The following ATRNL1 variants were observed in gnomAD, a reference collection of about 807,000 sequenced individuals.
ATRNL1 encodes attractin-like protein 1.
A neutral mutation model predicts 182.7 loss-of-function variants in ATRNL1; 95 were observed. The ratio of observed to expected loss-of-function variants is 0.52; its 90% CI spans 0.44 to 0.62. The LOEUF is 0.62. Ranked by LOEUF, ATRNL1 falls within the 20% of genes least tolerant of loss-of-function variation. ATRNL1 has a pLI of 0.00. For missense variants in ATRNL1, 1,471 were observed against 1,679.5 expected (o/e 0.88, Z 2.17); for synonymous variants, 576 against 568.3 (o/e 1.01, Z -0.19).
chr10:115,189,113 C>G (rs111450317), intron 8 of ATRNL1, among the ~76,000 whole-genome samples: 3,778 of 152,110 alleles, frequency 0.025, 54 homozygotes, highest in South Asian at 0.035. Context: ...TGAAAAATTC[C>G]TATCCCTGGA....
chr10:115,102,261 A>G (rs1554864747), intron 1 of ATRNL1, among the ~76,000 whole-genome samples: 1 of 152,164 alleles, frequency 6.6e-6, no homozygotes, highest in Non-Finnish European at 1.5e-5. Context: ...ATTTGTTGAA[A>G]AGACTATCCT....
intron 8 of ATRNL1, among the ~76,000 whole-genome samples, chr10:115,174,143 G>A (rs1411474496): frequency 4.6e-5 from 7 of 151,536 alleles, no homozygotes; most frequent in African/African-American, 1.7e-4. Flanking sequence ...CTTCTGTTTA[G>A]CTGTTTTGGT....
At chr10:115,856,839 T>C (rs1352239555) in intron 28 of ATRNL1, among the ~76,000 whole-genome samples, 1 of 152,100 alleles carries the variant, frequency 6.6e-6, no homozygotes, top group Non-Finnish European at 1.5e-5. Flanking sequence ...CGGTTCTCAA[T>C]AGGCTACAGG....
In ATRNL1 at chr10:115,916,622, T is replaced by C. The variant is rs542833312; in HGVS notation, c.4019-28036T>C. 2.2e-4 allele frequency among the ~76,000 whole-genome samples: 33 copies of C among 152,360 alleles called. 2 individuals carry two copies. In the South Asian group the frequency reaches 6.8e-3, roughly 32 times the overall value. On this transcript the variant is annotated intron_variant, in intron 28 of 28. Coordinates refer to ENST00000355044, the MANE Select transcript of ATRNL1 (RefSeq NM_207303.4). ...CATCCTATTTTTGTACTCATTTCCA[T>C]TGTGTAATCCCACGTGCATTAGAAT...
intron 26 of ATRNL1, among the ~76,000 whole-genome samples, chr10:115,668,126 T>C (rs190766969): frequency 6.6e-6 from 1 of 152,212 alleles, no homozygotes; most frequent in East Asian, 1.9e-4. Context: ...TAGGGACCTT[T>C]CTCCATGACT....
At chr10:115,730,858 C>T (rs981742144) in intron 27 of ATRNL1, among the ~76,000 whole-genome samples, 1 of 152,026 alleles carries the variant, frequency 6.6e-6, no homozygotes, top group African/African-American at 2.4e-5. Flanking sequence ...TACAAGGTCC[C>T]ACAATAGGCC....
chr10:115,829,964 A>G (rs1407422067), intron 27 of ATRNL1, among the ~76,000 whole-genome samples: 1 of 152,202 alleles, frequency 6.6e-6, no homozygotes, highest in African/African-American at 2.4e-5. Context: ...CACTTAATGT[A>G]GGGTCTGACT....
chr10:115,358,005 G>A (rs1195120972), intron 19 of ATRNL1, among the ~76,000 whole-genome samples: 1 of 151,478 alleles, frequency 6.6e-6, no homozygotes, highest in African/African-American at 2.4e-5. Flanking sequence ...ATTCCAAACT[G>A]ATCCTGGCTC....
chr10:115,558,656 T>A (rs1381676276), intron 26 of ATRNL1, among the ~76,000 whole-genome samples: 1 of 152,198 alleles, frequency 6.6e-6, no homozygotes, highest in Non-Finnish European at 1.5e-5. Context: ...GTTTTCCTTT[T>A]GATCCAGCTT....
chr10:115,631,961 A>C (rs1206337603), intron 26 of ATRNL1, among the ~76,000 whole-genome samples: 1 of 152,154 alleles, frequency 6.6e-6, no homozygotes, highest in Non-Finnish European at 1.5e-5. Context: ...TCAAGAATAT[A>C]TATCAATATA....
At chr10:115,768,929 T>C (rs1203336265) in intron 27 of ATRNL1, among the ~76,000 whole-genome samples, 3 of 152,110 alleles carry the variant, frequency 2.0e-5, no homozygotes, top group Non-Finnish European at 4.4e-5. Context: ...ATGAGTCACT[T>C]TTAAATCTTT....
intron 28 of ATRNL1, among the ~76,000 whole-genome samples, chr10:115,939,620 C>G (rs1231956897): frequency 6.6e-6 from 1 of 152,112 alleles, no homozygotes; most frequent in African/African-American, 2.4e-5. Flanking sequence ...GAATTGTTCC[C>G]CCAGTTAATT....
chr10:115,443,548 T>G (rs1846805801), intron 21 of ATRNL1, among the ~76,000 whole-genome samples: 1 of 152,060 alleles, frequency 6.6e-6, no homozygotes, highest in Admixed American at 6.6e-5. Context: ...TTTTAAGCCT[T>G]TTATAGCTTT....
chr10:115,871,472 TGTG>T (rs1951582046), intron 28 of ATRNL1, among the ~76,000 whole-genome samples: 1 of 3,128 alleles, frequency 3.2e-4, no homozygotes, highest in African/African-American at 3.4e-4. Context: ...AGATTCTTTG[TGTG>T]TGTGTATATA....
rs1439102538 is a variant in ATRNL1 at position 115,685,046 on chromosome 10, A to G, written c.3796-42202A>G. On this transcript the variant is annotated intron_variant, in intron 26 of 28. Transcript: ENST00000355044. Reference sequence around the variant, plus strand: ...GTACATCAGCCATTTCCAATCATAAATCCATGGATGGGTACTGGCCTCTGA... The same window carrying G: ...GTACATCAGCCATTTCCAATCATAAGTCCATGGATGGGTACTGGCCTCTGA... Among the ~76,000 whole-genome samples the G allele has an allele frequency of 2.6e-5, 4 of 151,850 alleles. No individual in the cohort carries two copies. In the South Asian group the frequency reaches 6.2e-4, roughly 24 times the overall value.
chr10:115,872,641 TAA>T (rs1490958123), intron 28 of ATRNL1, among the ~76,000 whole-genome samples: 3 of 152,324 alleles, frequency 2.0e-5, no homozygotes, highest in African/African-American at 7.2e-5. Flanking sequence ...TAAGCAAGGC[TAA>T]AAGTCATGTT....
intron 13 of ATRNL1, among the ~76,000 whole-genome samples, chr10:115,277,503 T>C (rs1852157297): frequency 6.6e-6 from 1 of 152,106 alleles, no homozygotes; most frequent in Non-Finnish European, 1.5e-5. Context: ...TAATTTTAAC[T>C]CTTAACTTTA....
At chr10:115,665,806 C>T (rs2133915932) in intron 26 of ATRNL1, among the ~76,000 whole-genome samples, 1 of 152,212 alleles carries the variant, frequency 6.6e-6, no homozygotes, top group East Asian at 1.9e-4. Context: ...ACCAAAGCAG[C>T]CTCACCCTAT....
At position 115,337,141 on chromosome 10, in the gene ATRNL1, G is replaced by A. The variant is rs539758648; in HGVS notation, c.3175+2722G>A. The stretch of plus-strand genomic sequence containing the variant: ...CTCCCAAAGTGCTGTGGTTACAGGC[G>A]TGAGCCACCATGCCTGGGCATTTTT... On this transcript the variant is annotated intron_variant, in intron 19 of 28. Coordinates refer to ENST00000355044, the MANE Select transcript of ATRNL1 (RefSeq NM_207303.4). 7.2e-5 allele frequency among the ~76,000 whole-genome samples: 11 copies of A among 151,984 alleles called. No individual in the cohort carries two copies. In the South Asian group the frequency reaches 8.3e-4, roughly 11 times the overall value.
Sources: allele counts gnomAD v4.1 joint callset (sites outside exome capture counted in the v4.1 genomes callset), GRCh38; gene constraint gnomAD v4.1.1; transcripts MANE v1.5; gene names NCBI Gene and HGNC (gene_info 2026-07-23, HGNC 2026-07-21).